Variants in RORA observed in about 807,000 individuals in gnomAD.
RORA encodes the protein RAR related orphan receptor A, also known as nuclear receptor ROR-alpha.
RORA carries 7 observed loss-of-function variants against 69.5 expected under a neutral mutation model. The observed-to-expected ratio is 0.10, with a 90% CI of 0.06 to 0.19. The LOEUF (loss-of-function observed/expected upper bound fraction) is 0.19, where lower values mean the gene tolerates loss of function less well. Among genes scored for constraint, RORA ranks in the 10% least tolerant of loss-of-function variants. RORA has a pLI of 1.00. For missense variants in RORA, 457 were observed against 663.0 expected (o/e 0.69, Z 3.41); for synonymous variants, 261 against 240.8 (o/e 1.08, Z -0.78).
intron 1 of RORA, among the ~76,000 whole-genome samples, chr15:60,945,998 G>A (rs1595836194): frequency 6.6e-6 from 1 of 152,064 alleles, no homozygotes; most frequent in East Asian, 1.9e-4. Flanking sequence ...TTCAGGCTGG[G>A]CTCACTCTAG....
chr15:61,221,608 T>C (rs1226903081), intron 1 of RORA, among the ~76,000 whole-genome samples: 1 of 152,178 alleles, frequency 6.6e-6, no homozygotes, highest in Non-Finnish European at 1.5e-5. Flanking sequence ...CAATTTTATT[T>C]CTTCTTACTT....
At chr15:60,565,912 A>C (rs373886948) in intron 2 of RORA, among the ~76,000 whole-genome samples, 7 of 152,312 alleles carry the variant, frequency 4.6e-5, no homozygotes, top group East Asian at 3.9e-4. Context: ...AACAGAAGTG[A>C]ATTCTGATAC....
intron 1 of RORA, among the ~76,000 whole-genome samples, chr15:60,755,658 T>C (rs1001247655): frequency 3.9e-5 from 6 of 152,196 alleles, no homozygotes; most frequent in African/African-American, 1.4e-4. Flanking sequence ...CTGAGTCTTT[T>C]TCATCTCTGA....
At chr15:60,654,503 G>C (rs1298980289) in intron 2 of RORA, among the ~76,000 whole-genome samples, 4 of 152,176 alleles carry the variant, frequency 2.6e-5, no homozygotes, top group Non-Finnish European at 4.4e-5. Context: ...TTGAAATGCT[G>C]TGTTCCTTAA....
chr15:60,701,350 T>C (rs1031414316), intron 1 of RORA, among the ~76,000 whole-genome samples: 8 of 152,160 alleles, frequency 5.3e-5, no homozygotes, highest in Admixed American at 6.5e-5. Context: ...TAAAAAAAGC[T>C]TCACATGGGC....
intron 1 of RORA, among the ~76,000 whole-genome samples, chr15:61,174,847 G>T (rs542760648): frequency 1.3e-5 from 2 of 152,218 alleles, no homozygotes; most frequent in East Asian, 1.9e-4. Context: ...TATCTGACCC[G>T]CATAATGGCT....
chr15:60,909,361 T>G (rs1439872109), intron 1 of RORA, among the ~76,000 whole-genome samples: 1 of 152,188 alleles, frequency 6.6e-6, no homozygotes, highest in African/African-American at 2.4e-5. Context: ...TGGCACCCCA[T>G]GTGTCAAAGC....
chr15:60,848,593 T>TA (rs2073291999), intron 1 of RORA: 1 of 152,288 alleles, frequency 6.6e-6, no homozygotes, highest in African/African-American at 2.4e-5. Flanking sequence ...TGACACTGCG[T>TA]AATTTATAAA....
At chr15:61,162,559 CCTCT>C (rs2079504660) in intron 1 of RORA, among the ~76,000 whole-genome samples, 1 of 152,070 alleles carries the variant, frequency 6.6e-6, no homozygotes, top group African/African-American at 2.4e-5. Context: ...CGTCCATGGC[CCTCT>C]CTTTTAGCCC....
intron 1 of RORA, among the ~76,000 whole-genome samples, chr15:60,765,777 C>G (rs2071979094): frequency 6.6e-6 from 1 of 152,108 alleles, no homozygotes; most frequent in Non-Finnish European, 1.5e-5. Context: ...ATTTCCATCG[C>G]ATGATTTCAC....
intron 1 of RORA, among the ~76,000 whole-genome samples, chr15:60,854,701 C>T (rs951994482): frequency 6.6e-6 from 1 of 152,144 alleles, no homozygotes; most frequent in Non-Finnish European, 1.5e-5. Context: ...CCCTAAAAGT[C>T]ACTGGAATAT....
chr15:60,972,050 A>C (rs558435683), intron 1 of RORA, among the ~76,000 whole-genome samples: 2 of 152,360 alleles, frequency 1.3e-5, no homozygotes, highest in South Asian at 4.1e-4. Flanking sequence ...CTCTGCCTTC[A>C]TCTGTTGTAC....
intron 3 of RORA, among the ~76,000 whole-genome samples, chr15:60,522,147 A>C (rs775705056): frequency 6.6e-6 from 1 of 152,218 alleles, no homozygotes; most frequent in Non-Finnish European, 1.5e-5. Context: ...ATTACACATT[A>C]ACTGATGCAT....
chr15:60,841,535 T>C (rs1377224057), intron 1 of RORA, among the ~76,000 whole-genome samples: 4 of 152,238 alleles, frequency 2.6e-5, no homozygotes, highest in African/African-American at 7.2e-5. Context: ...CCCCTGCCAT[T>C]GCTTCTGACA....
chr15:60,722,340 C>T (rs2071304545), intron 1 of RORA, among the ~76,000 whole-genome samples: 1 of 152,196 alleles, frequency 6.6e-6, no homozygotes, highest in Admixed American at 6.5e-5. Flanking sequence ...GATAACCCCA[C>T]AAATTAAGGT....
chr15:61,189,769 A>G (rs2079778403), intron 1 of RORA, among the ~76,000 whole-genome samples: 1 of 139,534 alleles, frequency 7.2e-6, no homozygotes, highest in South Asian at 2.4e-4. Context: ...AGGCAGGAGA[A>G]TGGCATGAAC....
chr15:61,051,194 C>G (rs890659689), intron 1 of RORA, among the ~76,000 whole-genome samples: 11 of 152,156 alleles, frequency 7.2e-5, no homozygotes, highest in Non-Finnish European at 1.6e-4. Flanking sequence ...GAGTGAGGCA[C>G]TCAGGGTAGA....
intron 1 of RORA, among the ~76,000 whole-genome samples, chr15:61,103,812 T>C (rs1264827859): frequency 6.6e-6 from 1 of 152,056 alleles, no homozygotes; most frequent in African/African-American, 2.4e-5. Flanking sequence ...CCCGTCCATT[T>C]ACACAGGCAG....
At chr15:61,158,469 T>A (rs2140880829) in intron 1 of RORA, among the ~76,000 whole-genome samples, 1 of 152,318 alleles carries the variant, frequency 6.6e-6, no homozygotes, top group Middle Eastern at 3.4e-3. Flanking sequence ...AGGCATATGA[T>A]GTTTAACCTA....
Sources: gnomAD v4.1 joint callset for allele counts (sites outside exome capture counted in the v4.1 genomes callset) on GRCh38, gnomAD v4.1.1 for gene constraint, MANE v1.5 for transcripts, NCBI Gene and HGNC (gene_info 2026-07-23, HGNC 2026-07-21) for gene names.